Variants in TTLL6 observed in about 807,000 individuals in gnomAD.
TTLL6 encodes the protein tubulin polyglutamylase TTLL6.
A neutral mutation model predicts 96.4 loss-of-function variants in TTLL6; 75 were observed. The observed-to-expected ratio is 0.78, with a 90% CI of 0.65 to 0.94. The LOEUF (loss-of-function observed/expected upper bound fraction) is 0.94. Among genes scored for constraint, TTLL6 ranks in the 40% least tolerant of loss-of-function variants. The pLI is 0.00. For missense variants in TTLL6, 1,030 were observed against 1,093.0 expected (o/e 0.94, Z 0.81); for synonymous variants, 411 against 419.4 (o/e 0.98, Z 0.24).
chr17:48,768,652 C>T (rs1328259219), intron 15 of TTLL6, among the ~76,000 whole-genome samples: 1 of 148,532 alleles, frequency 6.7e-6, no homozygotes, highest in East Asian at 2.0e-4. Context: ...GTAATCTTCT[C>T]GCCTCAGCCT....
At chr17:48,808,005 AT>A (rs1203731117) in intron 1 of TTLL6, among the ~76,000 whole-genome samples, 1 of 151,378 alleles carries the variant, frequency 6.6e-6, no homozygotes, top group Non-Finnish European at 1.5e-5. Flanking sequence ...CGCCCGGCTA[AT>A]TTTTTGTACT....
intron 15 of TTLL6, among the ~76,000 whole-genome samples, chr17:48,768,080 T>C (rs571939440): frequency 2.6e-5 from 4 of 152,220 alleles, no homozygotes; most frequent in African/African-American, 4.8e-5. Context: ...CAGAAATATA[T>C]TAATACATAG....
chr17:48,803,891 C>T lies in TTLL6; in HGVS notation c.361G>A (p.Val121Met), dbSNP rs1395290894. 1 of 1,552,028 alleles carries T rather than the reference C, an allele frequency of 6.4e-7. No individual in the cohort carries two copies. The highest frequency in any genetic ancestry group is 8.7e-7 in the Non-Finnish European group (1 of 1,147,088). The change falls in exon 3 of 16, where the codon GTG (valine) becomes ATG (methionine). Residue 121 changes from valine to methionine, a missense_variant and splice_region_variant. Transcript: ENST00000393382. Reference sequence around the variant, plus strand: ...AGATCTCCTGAATGTAGATGCTCACCACTCTCATACCGGCAGCTGGATAGA... The same window carrying T: ...AGATCTCCTGAATGTAGATGCTCACTACTCTCATACCGGCAGCTGGATAGA... ...INLSSCRYES[V>M]RRAAQQYGFR... is the part of the protein sequence containing the mutation.
Position 48,787,972 on chromosome 17 carries a change from G to T in TTLL6, c.1428C>A (p.Ala476=), listed in dbSNP as rs113581602. The change falls in exon 11 of 16, where the codon GCC becomes GCA. Residue 476 remains alanine (A), a synonymous_variant. Transcript: ENST00000393382. ...MRIEEAKGFR[A]VQLKKTETYE... is the part of the protein sequence containing the mutation. ...ACGTTTCAGTTTTCTTTAACTGCACGGCCCGGAAACCCTTGGCTTCCTCAA... is the reference window on the plus strand; with the variant it reads ...ACGTTTCAGTTTTCTTTAACTGCACTGCCCGGAAACCCTTGGCTTCCTCAA... 3 of 1,613,912 alleles carry T rather than the reference G, an allele frequency of 1.9e-6. No homozygotes were observed. Among genetic ancestry groups the T allele is most frequent in the African/African-American group, 1.3e-5 (1 of 74,892 alleles).
chr17:48,785,514 G>A (rs937785109), intron 12 of TTLL6, among the ~76,000 whole-genome samples: 4 of 152,092 alleles, frequency 2.6e-5, no homozygotes, highest in African/African-American at 7.2e-5. Flanking sequence ...TGAATAATAC[G>A]AAACAAAAAT....
Position 48,769,222 on chromosome 17 carries a change from G to C in TTLL6, c.2443C>G (p.Arg815Gly), listed in dbSNP as rs201008851. ...CTCTTCTCGCCAGAGCTGTCACTGC[G>C]GGAGTGGCACTCCCCAGGCAGGGAG... is the stretch of plus-strand genomic sequence containing the variant. Reference protein sequence around the residue: ...NPSLPGECHSRSDSSGEKRQL... With the variant: ...NPSLPGECHSGSDSSGEKRQL... The change falls in exon 15 of 16, where the codon CGC (arginine) becomes GGC (glycine). Residue 815 changes from arginine (R) to glycine (G), a missense_variant. By Grantham distance (125) the Arg-to-Gly change is moderately radical. Coordinates refer to ENST00000393382, the MANE Select transcript of TTLL6 (RefSeq NM_001130918.3). 2 of 1,610,338 alleles carry C rather than the reference G, an allele frequency of 1.2e-6. No homozygotes were observed. The highest frequency in any genetic ancestry group is 1.7e-4 in the Middle Eastern group (1 of 5,844).
intron 7 of TTLL6, 26 bp from the exon 8 acceptor site, chr17:48,796,172 G>C (rs557093046): frequency 1.2e-5 from 18 of 1,538,454 alleles, no homozygotes; most frequent in Non-Finnish European, 1.6e-5. Context: ...CACATCTGTC[G>C]GGTCAGCTCG....
chr17:48,806,400 G>A (rs2039506274), intron 1 of TTLL6: 1 of 152,028 alleles, frequency 6.6e-6, no homozygotes, highest in South Asian at 2.1e-4. Flanking sequence ...CCAATTAATG[G>A]ATTCATATTC....
At chr17:48,775,750 A>G (rs2038857907) in intron 13 of TTLL6, among the ~76,000 whole-genome samples, 1 of 152,070 alleles carries the variant, frequency 6.6e-6, no homozygotes, top group Non-Finnish European at 1.5e-5. Context: ...CATGTTGGTC[A>G]GGCTAGTCTC....
chr17:48,787,190 G>T (rs1422446043), intron 11 of TTLL6, among the ~76,000 whole-genome samples: 1 of 152,092 alleles, frequency 6.6e-6, no homozygotes, highest in Non-Finnish European at 1.5e-5. Context: ...AAAATGAGCT[G>T]GTAGGAGAGG....
intron 8 of TTLL6, among the ~76,000 whole-genome samples, chr17:48,794,985 ACCTACAGAGGG>A (rs369103594): frequency 2.7e-4 from 41 of 152,258 alleles, no homozygotes; most frequent in African/African-American, 9.9e-4. Context: ...ACAGTTCTCC[ACCTACAGAGGG>A]CAGATAGTAA....
chr17:48,796,503 C>T (rs1419081161), intron 7 of TTLL6, among the ~76,000 whole-genome samples: 3 of 151,836 alleles, frequency 2.0e-5, no homozygotes, highest in African/African-American at 7.3e-5. Context: ...CCTGTAATCC[C>T]AGCTACTTAG....
Position 48,790,012 on chromosome 17 carries a change from T to A in TTLL6, c.1319A>T (p.Glu440Val), listed in dbSNP as rs772369901. ...LYDTLVLINL[E>V]SCDKKKVLEE... is the part of the protein sequence containing the mutation. ...CAAGACTTTCTTCTTGTCACAGCTT[T>A]CCAGGTTGATCAGGACTAAGGTGTC... Residue 440 changes from glutamate (E) to valine (V), a missense_variant, in exon 10 of 16, where the codon GAA becomes GTA. Glu to Val is a moderately radical substitution (Grantham distance 121). Coordinates refer to ENST00000393382, the MANE Select transcript of TTLL6 (RefSeq NM_001130918.3). 6.2e-7 allele frequency: 1 copy of A among 1,614,140 alleles called. No individual in the cohort carries two copies. The highest frequency in any genetic ancestry group is 1.1e-5 in the South Asian group (1 of 91,078).
At chr17:48,784,651 TCCA>T (rs1444088450) in intron 13 of TTLL6, among the ~76,000 whole-genome samples, 4 of 152,092 alleles carry the variant, frequency 2.6e-5, no homozygotes, top group Admixed American at 1.3e-4. Flanking sequence ...CGGTGTTGCC[TCCA>T]CCAAGTTGGA....
chr17:48,790,070 A>G lies in TTLL6; in HGVS notation c.1261T>C (p.Leu421=), dbSNP rs769793822. The G allele has an allele frequency of 1.2e-6, 2 of 1,613,958 alleles. No individual in the cohort carries two copies. The highest frequency in any genetic ancestry group is 3.3e-5 in the Admixed American group (2 of 60,000). ...AGACCATCTTTCACCTCTTTATCCA[A>G]CCGAGAGTCGGTGGAGAAGCTTGGA... ...HSPSFSTDSR[L]DKEVKDGLLY... Residue 421 remains leucine (L), a synonymous_variant, in exon 10 of 16, where the codon TTG becomes CTG. Transcript: ENST00000393382.
At position 48,804,190 on chromosome 17, in the gene TTLL6, T is replaced by G. The variant is rs148944838; in HGVS notation, c.324-262A>C. The stretch of plus-strand genomic sequence containing the variant: ...ATTACAGCTGATCTTGCTTGCAGCT[T>G]CTCACTAACATCATTGCCTCAAGCC... On this transcript the variant is annotated intron_variant, in intron 2 of 15. Transcript: ENST00000393382. 600 of 575,208 alleles carry G rather than the reference T, an allele frequency of 1.0e-3. 6 individuals are homozygous for G. Among genetic ancestry groups the G allele is most frequent in the African/African-American group, 0.01 (555 of 53,776 alleles). 35.6% of individuals were successfully genotyped at this position (575,208 alleles called of 1,614,324 possible). A position where few individuals can be genotyped will look rare whatever the true frequency, so the allele number is the denominator to read the frequency against.
At chr17:48,786,698 A>G (rs2039103567) in intron 11 of TTLL6, among the ~76,000 whole-genome samples, 1 of 152,138 alleles carries the variant, frequency 6.6e-6, no homozygotes, top group Non-Finnish European at 1.5e-5. Context: ...AGGCTCTCAT[A>G]TTGCGCCATT....
chr17:48,794,347 G>T, intron 8 of TTLL6: 2 of 1,574,372 alleles, frequency 1.3e-6, no homozygotes, highest in Non-Finnish European at 8.6e-7. Flanking sequence ...CAGTAACCAC[G>T]CACACTGTCT....
intron 1 of TTLL6, 134 bp downstream of exon 1, chr17:48,816,836 A>G: frequency 1.7e-6 from 1 of 602,486 alleles, no homozygotes; most frequent in Non-Finnish European, 2.7e-6. Context: ...GAACGCCACC[A>G]GGGAGGGCAG....
Sources: gnomAD v4.1 joint callset for allele counts (sites outside exome capture counted in the v4.1 genomes callset) on GRCh38, gnomAD v4.1.1 for gene constraint, MANE v1.5 for transcripts, NCBI Gene and HGNC (gene_info 2026-07-23, HGNC 2026-07-21) for gene names.